SLC4A4: variants seen among roughly 807,000 people sequenced by gnomAD.
The protein encoded by SLC4A4 is electrogenic sodium bicarbonate cotransporter 1.
A neutral mutation model predicts 111.5 loss-of-function variants in SLC4A4; 27 were observed. That is an observed-to-expected ratio of 0.24 (90% CI 0.18 to 0.33). SLC4A4 has a LOEUF of 0.33. SLC4A4 is among the 10% of genes least tolerant of loss of function. The probability of loss-of-function intolerance (pLI) is 1.00; values close to 1 mark genes in which losing one functional copy is unlikely to be tolerated. For synonymous variants in SLC4A4, 443 were observed against 463.4 expected (o/e 0.96, Z 0.57); for missense variants, 909 against 1,315.5 (o/e 0.69, Z 4.78).
chr4:71,151,661 G>C (rs555824740), intron 2 of SLC4A4, among the ~76,000 whole-genome samples: 128 of 151,318 alleles, frequency 8.5e-4, no homozygotes, highest in Non-Finnish European at 1.7e-3. Context: ...GCTCACACCT[G>C]TAATCCCAGC....
intron 1 of SLC4A4, among the ~76,000 whole-genome samples, chr4:71,203,368 G>GT (rs1746342150): frequency 6.6e-6 from 1 of 152,116 alleles, no homozygotes; most frequent in Admixed American, 6.5e-5. Flanking sequence ...CTTTCACTGC[G>GT]TAAGAGATAG....
Position 71,339,492 on chromosome 4 carries a change from A to C in SLC4A4, c.376A>C (p.Lys126Gln). 1 of 1,613,470 alleles carries C rather than the reference A, an allele frequency of 6.2e-7. No individual in the cohort carries two copies. The highest frequency in any genetic ancestry group is 8.5e-7 in the Non-Finnish European group (1 of 1,180,026). Residue 126 changes from lysine (K) to glutamine (Q), a missense_variant, in exon 4 of 26, where the codon AAG becomes CAG. By Grantham distance (53) the Lys-to-Gln change is moderately conservative. Transcript: ENST00000264485. ...LAVDGQEMEW[K>Q]ETARWIKFEE... The stretch of plus-strand genomic sequence containing the variant: ...CGTGGATGGGCAGGAGATGGAGTGG[A>C]AGGAAACAGCCAGGTGAGGCATAGC...
intron 1 of SLC4A4, among the ~76,000 whole-genome samples, chr4:71,064,907 T>A (rs1741478656): frequency 6.6e-6 from 1 of 152,244 alleles, no homozygotes. Flanking sequence ...CTCATGGAGT[T>A]GCTTTGAAGA....
intron 2 of SLC4A4, among the ~76,000 whole-genome samples, chr4:71,160,248 C>T (rs1214989426): frequency 2.0e-5 from 3 of 152,146 alleles, no homozygotes; most frequent in Non-Finnish European, 2.9e-5. Flanking sequence ...ACTCTCTCTT[C>T]CTGGTTGACA....
intron 1 of SLC4A4, among the ~76,000 whole-genome samples, chr4:71,079,695 G>T (rs568636891): frequency 1.3e-5 from 2 of 152,048 alleles, no homozygotes; most frequent in African/African-American, 4.8e-5. Context: ...AGGATCACTT[G>T]AGCCTGGGAG....
intron 6 of SLC4A4, among the ~76,000 whole-genome samples, chr4:71,385,594 A>G (rs1422981671): frequency 6.6e-6 from 1 of 152,200 alleles, no homozygotes; most frequent in Non-Finnish European, 1.5e-5. Flanking sequence ...TTATATCATT[A>G]TGACTATATG....
chr4:71,196,034 G>A (rs1339722402), intron 1 of SLC4A4, among the ~76,000 whole-genome samples: 1 of 152,226 alleles, frequency 6.6e-6, no homozygotes, highest in Non-Finnish European at 1.5e-5. Context: ...TAGGCTGAAA[G>A]TTTCATGGAA....
chr4:71,480,678 T>A (rs190771213), intron 14 of SLC4A4, among the ~76,000 whole-genome samples: 9 of 151,922 alleles, frequency 5.9e-5, no homozygotes, highest in African/African-American at 2.2e-4. Flanking sequence ...TGCCTTAAGA[T>A]GTTTCTTAAA....
At chr4:71,173,531 C>T (rs189576238) in intron 2 of SLC4A4, among the ~76,000 whole-genome samples, 77 of 152,282 alleles carry the variant, frequency 5.1e-4, no homozygotes, top group African/African-American at 1.6e-3. Flanking sequence ...CAGGCACATG[C>T]CACCACGCCA....
At chr4:71,072,686 A>C (rs993661071) in intron 1 of SLC4A4, among the ~76,000 whole-genome samples, 5 of 151,992 alleles carry the variant, frequency 3.3e-5, no homozygotes, top group Admixed American at 6.6e-5. Context: ...TGTCTTCATG[A>C]TGTTGAATCT....
intron 24 of SLC4A4, among the ~76,000 whole-genome samples, chr4:71,566,029 C>T (rs1737441897): frequency 6.6e-6 from 1 of 151,836 alleles, no homozygotes. Flanking sequence ...ACACTGTTAA[C>T]ACTGGGAAGG....
In SLC4A4 at chr4:71,571,964, A is replaced by G. The variant is rs966858854; in HGVS notation, c.*4213A>G. Reference sequence around the variant, plus strand: ...AAATTCCTATAACATAGTATTTTACAGTTTTATGAAGCTTTCTATTGTGAC... The same window carrying G: ...AAATTCCTATAACATAGTATTTTACGGTTTTATGAAGCTTTCTATTGTGAC... On this transcript the variant is annotated 3_prime_UTR_variant, in exon 26 of 26. Coordinates refer to ENST00000264485, the MANE Select transcript of SLC4A4 (RefSeq NM_001098484.3). The G allele has an allele frequency of 1.3e-5, 2 of 152,284 alleles. No individual in the cohort carries two copies. The highest frequency in any genetic ancestry group is 4.8e-5 in the African/African-American group (2 of 41,404). 9.4% of individuals were successfully genotyped at this position (152,284 alleles called of 1,614,324 possible).
chr4:71,313,696 C>T (rs1322301207), intron 3 of SLC4A4, among the ~76,000 whole-genome samples: 2 of 152,112 alleles, frequency 1.3e-5, no homozygotes, highest in African/African-American at 2.4e-5. Flanking sequence ...ATAAACGGTG[C>T]TGGGAAAACT....
intron 3 of SLC4A4, among the ~76,000 whole-genome samples, chr4:71,275,673 T>C (rs1723018533): frequency 6.6e-6 from 1 of 152,264 alleles, no homozygotes; most frequent in African/African-American, 2.4e-5. Flanking sequence ...GTGAGGCAAC[T>C]GAGGACAAGT....
intron 3 of SLC4A4, among the ~76,000 whole-genome samples, chr4:71,274,398 T>TG (rs1357718655): frequency 6.6e-6 from 1 of 152,194 alleles, no homozygotes; most frequent in African/African-American, 2.4e-5. Context: ...AGTGGCCAAC[T>TG]GTATGTGCCA....
chr4:71,536,457 C>CATATATATATATATATATATATATATAT lies in SLC4A4; in HGVS notation c.2442+2076_2442+2077insTATATATATATATATATATATATATATA, dbSNP rs1238920856. 8.9e-4 allele frequency among the ~76,000 whole-genome samples: 28 copies of CATATATATATATATATATATATATATAT among 31,384 alleles called. 1 individual carries two copies. The highest frequency in any genetic ancestry group is 1.6e-3 in the Admixed American group (3 of 1,918). 20.6% of individuals were successfully genotyped at this position (31,384 alleles called of 152,430 possible). On this transcript the variant is annotated intron_variant, in intron 18 of 25. Transcript: ENST00000264485. ...TCATTTAAGCATATATACATATATACATATATACATATATATATATATATA... is the reference window on the plus strand; with the variant it reads ...TCATTTAAGCATATATACATATATACATATATATATATATATATATATATATATATATATACATATATATATATATATA...
At chr4:71,306,514 C>T (rs1329465007) in intron 3 of SLC4A4, among the ~76,000 whole-genome samples, 2 of 151,806 alleles carry the variant, frequency 1.3e-5, no homozygotes, top group South Asian at 2.1e-4. Flanking sequence ...ACCCAGGAGG[C>T]GGGGGTTGCA....
intron 16 of SLC4A4, among the ~76,000 whole-genome samples, chr4:71,525,634 G>A (rs1247285338): frequency 1.3e-5 from 2 of 152,060 alleles, no homozygotes; most frequent in African/African-American, 4.8e-5. Flanking sequence ...CACAATTTAT[G>A]ATGTTTGTTC....
chr4:71,149,613 T>C (rs547850780), intron 2 of SLC4A4, among the ~76,000 whole-genome samples: 26 of 152,200 alleles, frequency 1.7e-4, no homozygotes, highest in Non-Finnish European at 3.5e-4. Context: ...CATTTATGTG[T>C]TCAACAAATG....
Sources: gnomAD v4.1 joint callset for allele counts (sites outside exome capture counted in the v4.1 genomes callset) on GRCh38, gnomAD v4.1.1 for gene constraint, MANE v1.5 for transcripts, NCBI Gene and HGNC (gene_info 2026-07-23, HGNC 2026-07-21) for gene names.